Variants in PARD3 observed in about 807,000 individuals in gnomAD.
PARD3 encodes the protein partitioning defective 3 homolog.
A neutral mutation model predicts 155.4 loss-of-function variants in PARD3; 75 were observed. The observed-to-expected ratio is 0.48, with a 90% confidence interval of 0.40 to 0.58. PARD3 has a LOEUF of 0.58. PARD3 is among the 20% of genes least tolerant of loss of function. PARD3 has a pLI of 0.00. For synonymous variants in PARD3, 576 were observed against 610.5 expected (o/e 0.94, Z 0.83); for missense variants, 1,642 against 1,721.7 (o/e 0.95, Z 0.82).
At chr10:34,207,201 G>C (rs1298616198) in intron 22 of PARD3, among the ~76,000 whole-genome samples, 1 of 152,114 alleles carries the variant, frequency 6.6e-6, no homozygotes, top group African/African-American at 2.4e-5. Context: ...CTCACACAGG[G>C]GCTCATGATG....
At chr10:34,356,401 A>C (rs1444064219) in intron 14 of PARD3, among the ~76,000 whole-genome samples, 1 of 152,182 alleles carries the variant, frequency 6.6e-6, no homozygotes, top group Non-Finnish European at 1.5e-5. Context: ...ACATATTAAG[A>C]TAATACACAG....
At chr10:34,519,207 T>C (rs890851660) in intron 2 of PARD3, among the ~76,000 whole-genome samples, 1 of 152,106 alleles carries the variant, frequency 6.6e-6, no homozygotes, top group Non-Finnish European at 1.5e-5. Flanking sequence ...AGTGGGAGGA[T>C]AGAAAAAGGG....
chr10:34,421,783 G>A (rs992500600), intron 5 of PARD3, among the ~76,000 whole-genome samples: 6 of 152,144 alleles, frequency 3.9e-5, no homozygotes, highest in African/African-American at 1.4e-4. Context: ...AATAGGCAGG[G>A]AAAGAAAATA....
intron 2 of PARD3, among the ~76,000 whole-genome samples, chr10:34,532,300 T>C (rs1417861333): frequency 6.6e-6 from 1 of 152,066 alleles, no homozygotes; most frequent in African/African-American, 2.4e-5. Flanking sequence ...ATGCCAAATC[T>C]CCAAAAATTT....
intron 2 of PARD3, among the ~76,000 whole-genome samples, chr10:34,628,884 C>T (rs767188652): frequency 1.3e-5 from 2 of 152,198 alleles, no homozygotes; most frequent in Non-Finnish European, 2.9e-5. Context: ...AGGAGTGGTT[C>T]ACGACACCAG....
intron 16 of PARD3, among the ~76,000 whole-genome samples, chr10:34,340,052 C>A (rs1354476034): frequency 6.6e-6 from 1 of 152,126 alleles, no homozygotes; most frequent in East Asian, 1.9e-4. Context: ...TGCTGTGATT[C>A]AGAACAGCTG....
chr10:34,151,672 C>T (rs1948788644), intron 22 of PARD3, among the ~76,000 whole-genome samples: 1 of 152,170 alleles, frequency 6.6e-6, no homozygotes, highest in Non-Finnish European at 1.5e-5. Flanking sequence ...TAAAAAAATA[C>T]AGGCATCCTC....
chr10:34,813,083 C>T (rs1342570255), intron 1 of PARD3, among the ~76,000 whole-genome samples: 2 of 152,356 alleles, frequency 1.3e-5, no homozygotes, highest in Non-Finnish European at 2.9e-5. Context: ...GCCATGGACA[C>T]AGTCAAAGCT....
At chr10:34,641,004 T>C (rs1181099020) in intron 2 of PARD3, among the ~76,000 whole-genome samples, 1 of 152,192 alleles carries the variant, frequency 6.6e-6, no homozygotes, top group Non-Finnish European at 1.5e-5. Context: ...AACTAAATTT[T>C]CAAAGGAAAA....
At chr10:34,151,419 T>A (rs1948777104) in intron 22 of PARD3, among the ~76,000 whole-genome samples, 1 of 152,164 alleles carries the variant, frequency 6.6e-6, no homozygotes, top group Non-Finnish European at 1.5e-5. Flanking sequence ...AAGAGAGGTT[T>A]TTTTTTAAAT....
At chr10:34,224,068 C>T (rs1311651297) in intron 22 of PARD3, among the ~76,000 whole-genome samples, 1 of 152,174 alleles carries the variant, frequency 6.6e-6, no homozygotes, top group African/African-American at 2.4e-5. Flanking sequence ...ATGGTTCAAA[C>T]TCCTAAGCAG....
At chr10:34,750,445 CCT>C (rs1274310274) in intron 1 of PARD3, among the ~76,000 whole-genome samples, 3 of 141,218 alleles carry the variant, frequency 2.1e-5, no homozygotes, top group African/African-American at 7.9e-5. Context: ...ACAGTTACAT[CCT>C]CTTTCTCTCT....
chr10:34,717,378 C>T (rs1456519080), intron 1 of PARD3, among the ~76,000 whole-genome samples: 1 of 152,114 alleles, frequency 6.6e-6, no homozygotes, highest in South Asian at 2.1e-4. Flanking sequence ...AATAAAACAG[C>T]CATTCCTACC....
At chr10:34,799,288 C>T (rs1272534182) in intron 1 of PARD3, among the ~76,000 whole-genome samples, 2 of 152,078 alleles carry the variant, frequency 1.3e-5, no homozygotes, top group African/African-American at 2.4e-5. Flanking sequence ...GTGATCCACC[C>T]GCCTCGGCCT....
chr10:34,333,373 A>G (rs1835821181), intron 18 of PARD3, among the ~76,000 whole-genome samples: 1 of 152,162 alleles, frequency 6.6e-6, no homozygotes, highest in African/African-American at 2.4e-5. Context: ...AAACTTGGAA[A>G]GAAAAACAAT....
At chr10:34,747,255 G>A (rs1374380079) in intron 1 of PARD3, among the ~76,000 whole-genome samples, 2 of 151,908 alleles carry the variant, frequency 1.3e-5, no homozygotes, top group South Asian at 2.1e-4. Flanking sequence ...TTTGAGCCAC[G>A]ATTCTAAGGG....
At chr10:34,470,976 A>G (rs2078310484) in intron 3 of PARD3, among the ~76,000 whole-genome samples, 1 of 152,202 alleles carries the variant, frequency 6.6e-6, no homozygotes, top group South Asian at 2.1e-4. Flanking sequence ...AAAACATCAC[A>G]TATTCTCCGT....
chr10:34,285,155 A>G (rs919451759), intron 20 of PARD3, among the ~76,000 whole-genome samples: 1 of 152,254 alleles, frequency 6.6e-6, no homozygotes, highest in African/African-American at 2.4e-5. Context: ...TGTTTCAAAA[A>G]AGAAATATTT....
At chr10:34,371,690 C>T (rs1012005527) in intron 12 of PARD3, among the ~76,000 whole-genome samples, 6 of 151,640 alleles carry the variant, frequency 4.0e-5, no homozygotes, top group African/African-American at 1.5e-4. Flanking sequence ...TTGACATTAC[C>T]TACTATGGAA....
Sources: gnomAD v4.1 joint callset for allele counts (sites outside exome capture counted in the v4.1 genomes callset) on GRCh38, gnomAD v4.1.1 for gene constraint, MANE v1.5 for transcripts, NCBI Gene and HGNC (gene_info 2026-07-23, HGNC 2026-07-21) for gene names.